The following HOOK1 variants were observed in gnomAD, a reference collection of about 807,000 sequenced individuals.
HOOK1 encodes protein Hook homolog 1.
HOOK1 carries 60 observed loss-of-function variants against 112.8 expected under a neutral mutation model. The observed-to-expected ratio is 0.53, with a 90% confidence interval of 0.43 to 0.66. The LOEUF (loss-of-function observed/expected upper bound fraction) is 0.66. Ranked by LOEUF, HOOK1 falls within the 30% of genes least tolerant of loss-of-function variation. HOOK1 has a pLI of 0.00. For synonymous variants in HOOK1, 294 were observed against 283.8 expected, an observed-to-expected ratio of 1.04 and a Z score of -0.36; for missense variants, 770 against 856.0, an observed-to-expected ratio of 0.90 and a Z score of 1.25.
At chr1:59,865,005 G>A (rs912478444) in intron 17 of HOOK1, 158 bp from the exon 18 acceptor site, 13 of 588,840 alleles carry the variant, frequency 2.2e-5, no homozygotes, top group Admixed American at 3.2e-5. Context: ...GGCACCTGCC[G>A]TGTGCCTGAC....
At chr1:59,868,030 G>C (rs569441873) in intron 19 of HOOK1, among the ~76,000 whole-genome samples, 1 of 152,106 alleles carries the variant, frequency 6.6e-6, no homozygotes, top group Non-Finnish European at 1.5e-5. Flanking sequence ...TTTGGAATGG[G>C]GACATTTATA....
intron 20 of HOOK1, chr1:59,870,778 T>C (rs1297039402): frequency 1.8e-5 from 5 of 271,666 alleles, no homozygotes. Context: ...TTAAAATCAC[T>C]AGTTGTGTAT....
At chr1:59,840,896 C>G (rs2098400701) in intron 8 of HOOK1, among the ~76,000 whole-genome samples, 1 of 152,046 alleles carries the variant, frequency 6.6e-6, no homozygotes, top group Non-Finnish European at 1.5e-5. Context: ...TTAAAATGAA[C>G]TTGGCATGAG....
At chr1:59,860,117 C>CT in intron 14 of HOOK1, 71 bp from the exon 15 acceptor site, 1 of 1,273,690 alleles carries the variant, frequency 7.9e-7, no homozygotes, top group South Asian at 1.8e-5. Flanking sequence ...CAGGAATTTC[C>CT]TTTTTTTAAC....
chr1:59,843,693 A>C, intron 9 of HOOK1, 95 bp downstream of exon 9: 1 of 960,592 alleles, frequency 1.0e-6, no homozygotes, highest in Non-Finnish European at 1.5e-6. Flanking sequence ...AAGCATTGTT[A>C]AGCATCTTTA....
intron 3 of HOOK1, 92 bp downstream of exon 3, chr1:59,828,944 T>C (rs747035346): frequency 5.2e-6 from 5 of 966,742 alleles, no homozygotes; most frequent in African/African-American, 4.9e-5. Context: ...AATTAACTTA[T>C]AGTACTTTTT....
At chr1:59,853,535 C>T (rs944916728) in intron 12 of HOOK1, among the ~76,000 whole-genome samples, 3 of 151,850 alleles carry the variant, frequency 2.0e-5, no homozygotes, top group African/African-American at 4.8e-5. Context: ...CATTTTTAAT[C>T]GATTCTGCCA....
Position 59,865,212 on chromosome 1 carries a change from A to G in HOOK1, c.1711A>G (p.Ile571Val). 1 of 1,608,636 alleles carries G rather than the reference A, an allele frequency of 6.2e-7. No homozygotes were observed. ...AGAATTACAGAAGAAACAAGAACTC[A>G]TTGAAGATCTTCAGCCAGATATAAA... is the stretch of plus-strand genomic sequence containing the variant. ...HEELQKKQEL[I>V]EDLQPDINQN... Residue 571 changes from isoleucine to valine, a missense_variant, in exon 18 of 22, where the codon ATT (isoleucine) becomes GTT (valine). Coordinates refer to ENST00000371208, the MANE Select transcript of HOOK1 (RefSeq NM_015888.6).
Position 59,835,424 on chromosome 1 carries a change from C to CTT in HOOK1, c.474+12_474+13insTT. On this transcript the variant is annotated intron_variant, in intron 6 of 21. Transcript: ENST00000371208. ...CTGCTATTCAAGAGGTAAGTTATAT[C>CTT]ATGTTCCTATGAGTATAAAAATCCT... The CTT allele has an allele frequency of 6.7e-7, 1 of 1,482,248 alleles. No individual in the cohort carries two copies. The highest frequency in any genetic ancestry group is 9.4e-7 in the Non-Finnish European group (1 of 1,064,500). The allele number at this position is 1,482,248 out of a possible 1,614,324, so 91.8% of individuals were successfully genotyped here. A position where few individuals can be genotyped will look rare whatever the true frequency, so the allele number is the denominator to read the frequency against.
rs2098405471 is a variant in HOOK1 at position 59,848,624 on chromosome 1, A to T, written c.1131+108A>T. ...GAAATTGAGAAGCGTTGCATGTAAT[A>T]AGCTATGAACTTATTCTGATGAATT... On this transcript the variant is annotated intron_variant, in intron 11 of 21. Coordinates refer to ENST00000371208, the MANE Select transcript of HOOK1 (RefSeq NM_015888.6). 4.1e-6 allele frequency: 3 copies of T among 729,652 alleles called. No homozygotes were observed. The South Asian group carries it at 5.7e-5, about 14-fold the overall frequency. 45.2% of individuals were successfully genotyped at this position (729,652 alleles called of 1,614,324 possible).
intron 8 of HOOK1, among the ~76,000 whole-genome samples, chr1:59,842,867 T>G (rs2098401715): frequency 6.6e-6 from 1 of 152,076 alleles, no homozygotes; most frequent in Non-Finnish European, 1.5e-5. Context: ...GGTTCTACAC[T>G]AACATGTTTT....
intron 1 of HOOK1, 177 bp downstream of exon 1, chr1:59,815,357 T>G: frequency 1.6e-6 from 1 of 614,712 alleles, no homozygotes; most frequent in South Asian, 2.0e-5. Flanking sequence ...GGCAGGTGTG[T>G]GGGCGCGGGT....
intron 8 of HOOK1, among the ~76,000 whole-genome samples, chr1:59,840,794 T>G (rs2098400653): frequency 6.6e-6 from 1 of 152,150 alleles, no homozygotes; most frequent in Non-Finnish European, 1.5e-5. Flanking sequence ...ATGTTCATAT[T>G]TATGTATGTA....
chr1:59,870,222 A>T (rs936311983), intron 20 of HOOK1, among the ~76,000 whole-genome samples: 2 of 152,246 alleles, frequency 1.3e-5, no homozygotes, highest in Non-Finnish European at 2.9e-5. Context: ...ATGATGAGAA[A>T]ATAGTCCCTG....
intron 12 of HOOK1, among the ~76,000 whole-genome samples, chr1:59,852,473 A>G (rs2098407671): frequency 6.7e-6 from 1 of 148,876 alleles, no homozygotes; most frequent in African/African-American, 2.5e-5. Context: ...AAACAAGAGA[A>G]TTTTGCTAAG....
At chr1:59,847,242 G>C (rs1018968639) in intron 10 of HOOK1, 57 bp downstream of exon 10, 3 of 1,407,660 alleles carry the variant, frequency 2.1e-6, no homozygotes. Context: ...TAGTCAATTT[G>C]AGTATTTCAT....
chr1:59,848,157 A>G (rs113710167), intron 10 of HOOK1, among the ~76,000 whole-genome samples, 158 bp from the exon 11 acceptor site: 2,705 of 151,794 alleles, frequency 0.018, 28 homozygotes, highest in Middle Eastern at 0.041. Flanking sequence ...CTGTTTCCAA[A>G]GTTCTTACAA....
chr1:59,862,714 G>A, intron 15 of HOOK1, 70 bp from the exon 16 acceptor site: 2 of 857,808 alleles, frequency 2.3e-6, no homozygotes, highest in South Asian at 1.5e-5. Flanking sequence ...CTAACTGAAT[G>A]TACCTTTGTA....
Position 59,858,593 on chromosome 1 carries a change from A to T in HOOK1, c.1330+78A>T. On this transcript the variant is annotated intron_variant, in intron 13 of 21. Transcript: ENST00000371208. The stretch of plus-strand genomic sequence containing the variant: ...CCATTCAACAAAAAATAAAAACTTA[A>T]CCTGTCATGGTGGCGCATGCCTATA... 3.2e-6 allele frequency: 3 copies of T among 947,588 alleles called. No homozygotes were observed. The South Asian group carries it at 4.0e-5, about 13-fold the overall frequency. The allele number at this position is 947,588 out of a possible 1,614,324, so 58.7% of individuals were successfully genotyped here.
Sources: gnomAD v4.1 joint callset for allele counts (sites outside exome capture counted in the v4.1 genomes callset) on GRCh38, gnomAD v4.1.1 for gene constraint, MANE v1.5 for transcripts, NCBI Gene and HGNC (gene_info 2026-07-23, HGNC 2026-07-21) for gene names.